Variants in RAP1GAP2 observed in about 807,000 individuals in gnomAD.
The protein encoded by RAP1GAP2 is RAP1 GTPase activating protein 2.
Under a neutral mutation model 95.0 loss-of-function variants are expected in RAP1GAP2, and 27 were observed. That is an observed-to-expected ratio of 0.28 (90% CI 0.21 to 0.39). The LOEUF is 0.39. RAP1GAP2 is among the 10% of genes least tolerant of loss of function. The probability of loss-of-function intolerance (pLI) is 1.00; values close to 1 mark genes in which losing one functional copy is unlikely to be tolerated. For missense variants in RAP1GAP2, 771 were observed against 970.0 expected (o/e 0.79, Z 2.72); for synonymous variants, 373 against 380.9 (o/e 0.98, Z 0.24).
At chr17:2,841,268 T>A (rs2071360313) in intron 2 of RAP1GAP2, among the ~76,000 whole-genome samples, 1 of 151,786 alleles carries the variant, frequency 6.6e-6, no homozygotes, top group Non-Finnish European at 1.5e-5. Flanking sequence ...AAGAAAAATA[T>A]TAAGTAGAGA....
At chr17:2,949,443 G>A (rs193079793) in intron 3 of RAP1GAP2, among the ~76,000 whole-genome samples, 2 of 152,304 alleles carry the variant, frequency 1.3e-5, no homozygotes, top group Non-Finnish European at 2.9e-5. Context: ...CATTAACCGA[G>A]TGCCTGCTCT....
At chr17:2,926,182 G>C (rs1443795638) in intron 3 of RAP1GAP2, among the ~76,000 whole-genome samples, 2 of 151,938 alleles carry the variant, frequency 1.3e-5, no homozygotes, top group Admixed American at 6.6e-5. Context: ...GAGCCCTGGG[G>C]GTAACTGAGC....
rs1468001099 is a variant in RAP1GAP2, at chr17:2,904,567, T to G, written c.81-717T>G. On this transcript the variant is annotated intron_variant, in intron 2 of 24. Coordinates refer to ENST00000254695, the MANE Select transcript of RAP1GAP2 (RefSeq NM_015085.5). The surrounding 1 kb of genome is among the most constrained non-coding windows in gnomAD (Gnocchi z 4.7). ...GTGTGTGTGTGTGTGTGTGTGTGTG[T>G]GTACGTGCAGAGGGGCTCAAGGGAG... Among the ~76,000 whole-genome samples the G allele has an allele frequency of 6.6e-6, 1 of 151,762 alleles. No homozygotes were observed. The highest frequency in any genetic ancestry group is 1.5e-5 in the Non-Finnish European group (1 of 67,904).
chr17:2,769,132 C>G (rs533315191), intron 1 of RAP1GAP2, among the ~76,000 whole-genome samples: 1 of 149,748 alleles, frequency 6.7e-6, no homozygotes, highest in East Asian at 2.0e-4. Context: ...CTCAAGATAC[C>G]GAGGCGAGAG....
At chr17:3,007,572 C>T (rs554725607) in intron 16 of RAP1GAP2, among the ~76,000 whole-genome samples, 5 of 152,224 alleles carry the variant, frequency 3.3e-5, no homozygotes, top group South Asian at 4.1e-4. Flanking sequence ...GTTGTGCCTG[C>T]GAAGGCCGGG....
chr17:2,920,662 C>G (rs996005869), intron 3 of RAP1GAP2, among the ~76,000 whole-genome samples: 1 of 152,216 alleles, frequency 6.6e-6, no homozygotes, highest in African/African-American at 2.4e-5. Context: ...AGCAGGCGGA[C>G]GAGGGCTTCG....
intron 3 of RAP1GAP2, among the ~76,000 whole-genome samples, chr17:2,949,980 C>A (rs2043854295): frequency 2.0e-5 from 3 of 152,110 alleles, no homozygotes; most frequent in Admixed American, 2.0e-4. Context: ...TGAATCATAG[C>A]CCTTCTCACC....
At chr17:2,940,754 C>G (rs1001883119) in intron 3 of RAP1GAP2, among the ~76,000 whole-genome samples, 8 of 152,288 alleles carry the variant, frequency 5.3e-5, no homozygotes, top group East Asian at 1.9e-4. Flanking sequence ...CGGACTTGGC[C>G]AGGTGGGGAC....
At chr17:2,916,479 C>G (rs2042572329) in intron 3 of RAP1GAP2, among the ~76,000 whole-genome samples, 1 of 152,194 alleles carries the variant, frequency 6.6e-6, no homozygotes, top group African/African-American at 2.4e-5. Context: ...CTGAAGGTCC[C>G]ACAGCTGGTG....
At chr17:2,880,959 T>A (rs906512189) in intron 2 of RAP1GAP2, among the ~76,000 whole-genome samples, 2 of 151,778 alleles carry the variant, frequency 1.3e-5, no homozygotes, top group Non-Finnish European at 2.9e-5. Context: ...AAGCCCCATC[T>A]CTACTAAAAA....
intron 19 of RAP1GAP2, among the ~76,000 whole-genome samples, chr17:3,021,071 C>T (rs1195224742): frequency 2.6e-5 from 4 of 152,132 alleles, no homozygotes; most frequent in Non-Finnish European, 5.9e-5. Flanking sequence ...ACACACAGTA[C>T]TTGTGCATAT....
chr17:2,805,808 G>A (rs969357797), intron 2 of RAP1GAP2, among the ~76,000 whole-genome samples: 2 of 152,118 alleles, frequency 1.3e-5, no homozygotes, highest in Non-Finnish European at 2.9e-5. Flanking sequence ...CCAGCTACCT[G>A]AGGTGACCGT....
At position 2,816,014 on chromosome 17, in the gene RAP1GAP2, T is replaced by A. The variant is rs566002834; in HGVS notation, c.80+15464T>A. Reference sequence around the variant, plus strand: ...TGTACACAAGGCCCAGACAAGCGGGTTTTTATTTGATTCACACTCTGACCT... The same window carrying A: ...TGTACACAAGGCCCAGACAAGCGGGATTTTATTTGATTCACACTCTGACCT... On this transcript the variant is annotated intron_variant, in intron 2 of 24. Transcript: ENST00000254695. 4.0e-4 allele frequency among the ~76,000 whole-genome samples: 61 copies of A among 151,124 alleles called. No individual in the cohort carries two copies. In the South Asian group the frequency reaches 0.013, roughly 31 times the overall value.
intron 12 of RAP1GAP2, among the ~76,000 whole-genome samples, chr17:2,993,390 G>C (rs139376560): frequency 0.13 from 18,846 of 150,690 alleles, 1,286 homozygotes; most frequent in Non-Finnish European, 0.15. Context: ...TGGCCAACAT[G>C]GTGAAACCAC....
In RAP1GAP2 at chr17:2,963,582, C is replaced by G. The variant is rs1331649505; in HGVS notation, c.279+120C>G. On this transcript the variant is annotated intron_variant, in intron 6 of 24. Coordinates refer to ENST00000254695, the MANE Select transcript of RAP1GAP2 (RefSeq NM_015085.5). This position sits in a 1 kb window ranked among gnomAD's most constrained non-coding sequence, Gnocchi z 4.8. ...GGGGAGAGAACCTTGGGCCTGGGAC[C>G]TCTCTTCCTGTCTTTGCCTTTGTAA... The G allele has an allele frequency of 7.5e-7, 1 of 1,331,698 alleles. No homozygotes were observed. The highest frequency in any genetic ancestry group is 2.3e-5 in the East Asian group (1 of 43,442). 82.5% of individuals were successfully genotyped at this position (1,331,698 alleles called of 1,614,324 possible).
chr17:2,998,225 A>G lies in RAP1GAP2; in HGVS notation c.1049A>G (p.Gln350Arg). Reference sequence around the variant, plus strand: ...CTCTCAACACTTTTTATTTAGCTCCAGAGAAAGAGACACATTGGAAATGAC... The same window carrying G: ...CTCTCAACACTTTTTATTTAGCTCCGGAGAAAGAGACACATTGGAAATGAC... ...PFTDGDAQQL[Q>R]RKRHIGNDIV... The change falls in exon 14 of 25, where the codon CAG becomes CGG. Residue 350 changes from glutamine (Q) to arginine (R), a missense_variant. Transcript: ENST00000254695. 2.5e-6 allele frequency: 4 copies of G among 1,613,672 alleles called. No individual in the cohort carries two copies. Among genetic ancestry groups the G allele is most frequent in the Non-Finnish European group, 3.4e-6 (4 of 1,179,582 alleles).
In RAP1GAP2 at chr17:2,908,462, G is replaced by C. The variant is rs545840312; in HGVS notation, c.165+3094G>C. Reference sequence around the variant, plus strand: ...TGCATGGCAGGGAACAGAGTGGAGAGGGGATGAGCTGAGGCTGCTGCAGGA... The same window carrying C: ...TGCATGGCAGGGAACAGAGTGGAGACGGGATGAGCTGAGGCTGCTGCAGGA... On this transcript the variant is annotated intron_variant, in intron 3 of 24. Transcript: ENST00000254695. Among the ~76,000 whole-genome samples, 19 of 152,302 alleles carry C rather than the reference G, an allele frequency of 1.2e-4. No individual in the cohort carries two copies. The South Asian group carries it at 3.7e-3, about 30-fold the overall frequency.
chr17:2,849,420 T>C (rs2071731034), intron 2 of RAP1GAP2, among the ~76,000 whole-genome samples: 1 of 152,172 alleles, frequency 6.6e-6, no homozygotes. Flanking sequence ...GGATTGGGGC[T>C]GATTCCCGCT....
rs1333522362 is a variant in RAP1GAP2 at position 2,823,363 on chromosome 17, G to A, written c.80+22813G>A. Among the ~76,000 whole-genome samples, 5 of 152,290 alleles carry A rather than the reference G, an allele frequency of 3.3e-5. No homozygotes were observed. In the South Asian group the frequency reaches 1.0e-3, roughly 32 times the overall value. ...CCTTTGTCAGGGGAGCCCCAGCAAT[G>A]TCTGCACGACATACGCCCCCAAACA... On this transcript the variant is annotated intron_variant, in intron 2 of 24. Coordinates refer to ENST00000254695, the MANE Select transcript of RAP1GAP2 (RefSeq NM_015085.5).
Sources: gnomAD v4.1 joint callset for allele counts (sites outside exome capture counted in the v4.1 genomes callset) on GRCh38, gnomAD v4.1.1 for gene constraint, Gnocchi (gnomAD v3.1) non-coding constraint, MANE v1.5 for transcripts, NCBI Gene and HGNC (gene_info 2026-07-23, HGNC 2026-07-21) for gene names.